The following MAGI2 variants were observed in gnomAD, a reference collection of about 807,000 sequenced individuals.
MAGI2 encodes the protein membrane-associated guanylate kinase, WW and PDZ domain-containing protein 2.
A neutral mutation model predicts 133.3 loss-of-function variants in MAGI2; 35 were observed. The ratio of observed to expected loss-of-function variants is 0.26; its 90% confidence interval spans 0.20 to 0.35. The LOEUF is 0.35. Ranked by LOEUF, MAGI2 falls within the 10% of genes least tolerant of loss-of-function variation. The pLI, the probability that MAGI2 is intolerant of heterozygous loss-of-function variation, is 1.00. For synonymous variants in MAGI2, 729 were observed against 710.6 expected (o/e 1.03, Z -0.41); for missense variants, 1,636 against 1,863.4 (o/e 0.88, Z 2.25).
intron 9 of MAGI2, among the ~76,000 whole-genome samples, chr7:78,311,527 C>T (rs1031745308): frequency 6.6e-6 from 1 of 152,150 alleles, no homozygotes; most frequent in Non-Finnish European, 1.5e-5. Context: ...AATAATTTTT[C>T]ATGGCATTTT....
intron 16 of MAGI2, among the ~76,000 whole-genome samples, chr7:78,148,181 T>G (rs1823510773): frequency 6.6e-6 from 1 of 152,220 alleles, no homozygotes; most frequent in Non-Finnish European, 1.5e-5. Flanking sequence ...CTATGGTGCG[T>G]CTATACAATG....
intron 1 of MAGI2, among the ~76,000 whole-genome samples, chr7:79,237,899 A>C (rs1035329815): frequency 2.0e-5 from 3 of 152,234 alleles, no homozygotes; most frequent in Middle Eastern, 3.4e-3. Flanking sequence ...TTTCCTTAGG[A>C]TAGACTTCTG....
At chr7:79,319,611 C>G (rs1839016869) in intron 1 of MAGI2, among the ~76,000 whole-genome samples, 1 of 152,088 alleles carries the variant, frequency 6.6e-6, no homozygotes, top group African/African-American at 2.4e-5. Flanking sequence ...AAAGCCCAAG[C>G]TAAGAATGAC....
At chr7:78,073,549 T>C (rs1333562681) in intron 21 of MAGI2, among the ~76,000 whole-genome samples, 1 of 152,240 alleles carries the variant, frequency 6.6e-6, no homozygotes, top group African/African-American at 2.4e-5. Flanking sequence ...TATTTTGCTT[T>C]ATTCTGATTA....
At chr7:78,352,771 A>T (rs1181794698) in intron 7 of MAGI2, 1 of 152,168 alleles carries the variant, frequency 6.6e-6, no homozygotes, top group African/African-American at 2.4e-5. Flanking sequence ...ATTTTCACAT[A>T]AATGAGATCT....
intron 1 of MAGI2, among the ~76,000 whole-genome samples, chr7:79,268,691 A>C (rs1357988947): frequency 1.3e-5 from 2 of 152,200 alleles, no homozygotes; most frequent in South Asian, 4.1e-4. Context: ...TCAGTGGATC[A>C]GCTTAGTATT....
At chr7:78,916,452 T>C (rs986391974) in intron 2 of MAGI2, among the ~76,000 whole-genome samples, 4 of 152,158 alleles carry the variant, frequency 2.6e-5, no homozygotes, top group Non-Finnish European at 4.4e-5. Flanking sequence ...AGAAGACCAG[T>C]GTATTTCTTA....
intron 9 of MAGI2, among the ~76,000 whole-genome samples, chr7:78,296,329 C>A (rs528702335): frequency 2.8e-4 from 42 of 152,280 alleles, no homozygotes; most frequent in African/African-American, 9.4e-4. Context: ...TGCTGTCAGG[C>A]CAAGCAAAGC....
chr7:78,400,596 G>A (rs1364671493), intron 6 of MAGI2, among the ~76,000 whole-genome samples: 1 of 152,170 alleles, frequency 6.6e-6, no homozygotes, highest in Non-Finnish European at 1.5e-5. Context: ...GTTCATGAAA[G>A]TGGTCTAGTT....
intron 1 of MAGI2, among the ~76,000 whole-genome samples, chr7:79,309,989 G>T (rs922490168): frequency 7.4e-6 from 1 of 135,980 alleles, no homozygotes; most frequent in Admixed American, 7.4e-5. Flanking sequence ...AAAAAGAAAA[G>T]AAAAGAAAGA....
chr7:79,375,150 C>A (rs936126950), intron 1 of MAGI2, among the ~76,000 whole-genome samples: 6 of 151,960 alleles, frequency 3.9e-5, no homozygotes, highest in African/African-American at 1.5e-4. Flanking sequence ...AACTCTCACT[C>A]TTTGTGTTGT....
chr7:78,165,065 T>C (rs768206669), intron 15 of MAGI2, among the ~76,000 whole-genome samples: 1 of 152,234 alleles, frequency 6.6e-6, no homozygotes. Context: ...TTATTATCCA[T>C]AGTTGCCTAC....
rs1793444624 is a variant in MAGI2, at chr7:78,489,918, G to C, written c.966-78C>G. On this transcript the variant is annotated intron_variant, in intron 5 of 21. Coordinates refer to ENST00000354212, the MANE Select transcript of MAGI2 (RefSeq NM_012301.4). ...TTATTCCTTAAGAAAAAAAAAGCAG[G>C]GTTAGTCCAACAAAATTGCAATCGA... The C allele has an allele frequency of 7.7e-6, 8 of 1,039,402 alleles. No individual in the cohort carries two copies. The Admixed American group carries it at 1.8e-4, about 23-fold the overall frequency. 64.4% of individuals were successfully genotyped at this position (1,039,402 alleles called of 1,614,324 possible).
intron 21 of MAGI2, among the ~76,000 whole-genome samples, chr7:78,047,183 G>C (rs907093001): frequency 6.6e-6 from 1 of 152,198 alleles, no homozygotes; most frequent in Non-Finnish European, 1.5e-5. Flanking sequence ...AAGAAACAGA[G>C]ACTGGGGGAG....
intron 20 of MAGI2, among the ~76,000 whole-genome samples, chr7:78,109,032 C>T (rs1422783050): frequency 5.9e-5 from 9 of 151,714 alleles, no homozygotes; most frequent in East Asian, 3.9e-4. Context: ...GGGCTGGGCG[C>T]GGTGGCTCAT....
intron 2 of MAGI2, among the ~76,000 whole-genome samples, chr7:78,781,041 A>G (rs1826351404): frequency 6.6e-6 from 1 of 152,152 alleles, no homozygotes; most frequent in South Asian, 2.1e-4. Context: ...AATTTACTTC[A>G]TCTTATTCAT....
chr7:78,274,418 G>C (rs1480176400), intron 9 of MAGI2, among the ~76,000 whole-genome samples: 1 of 152,180 alleles, frequency 6.6e-6, no homozygotes, highest in Non-Finnish European at 1.5e-5. Context: ...ACAGGGGTCA[G>C]GGACCCACTT....
intron 3 of MAGI2, among the ~76,000 whole-genome samples, chr7:78,587,087 T>C (rs1803495763): frequency 6.6e-6 from 1 of 152,184 alleles, no homozygotes; most frequent in South Asian, 2.1e-4. Context: ...TTTTTTTGGG[T>C]ATATACCCAG....
At chr7:78,521,352 A>G (rs962386321) in intron 4 of MAGI2, 78 bp downstream of exon 4, 2 of 969,892 alleles carry the variant, frequency 2.1e-6, no homozygotes, top group Admixed American at 1.8e-5. Context: ...TATATATCTT[A>G]CTGTGTATAT....
Sources: allele counts gnomAD v4.1 joint callset (sites outside exome capture counted in the v4.1 genomes callset), GRCh38; gene constraint gnomAD v4.1.1; transcripts MANE v1.5; gene names NCBI Gene and HGNC (gene_info 2026-07-23, HGNC 2026-07-21).